Variants in GLDC observed in about 807,000 individuals in gnomAD.
GLDC encodes the protein glycine decarboxylase, also known as glycine dehydrogenase (decarboxylating), mitochondrial.
In GLDC, 104 loss-of-function variants were observed where a neutral mutation model predicts 121.3. The observed-to-expected ratio is 0.86, with a 90% CI of 0.73 to 1.01. The LOEUF (loss-of-function observed/expected upper bound fraction) is 1.01. Among genes scored for constraint, GLDC ranks in the 50% least tolerant of loss-of-function variants. The pLI, the probability that GLDC is intolerant of heterozygous loss-of-function variation, is 0.00. For synonymous variants in GLDC, 546 were observed against 480.6 expected, an observed-to-expected ratio of 1.14 and a Z score of -1.78; for missense variants, 1,429 against 1,306.6, an observed-to-expected ratio of 1.09 and a Z score of -1.44.
intron 2 of GLDC, among the ~76,000 whole-genome samples, chr9:6,620,909 T>G (rs2129951146): frequency 6.6e-6 from 1 of 152,338 alleles, no homozygotes; most frequent in Non-Finnish European, 1.5e-5. Flanking sequence ...GGCTCACACC[T>G]GCAATCCCAG....
At position 6,639,673 on chromosome 9, in the gene GLDC, A is replaced by AAG. The variant is rs1448215745; in HGVS notation, c.334+4940_334+4941insCT. On this transcript the variant is annotated intron_variant, in intron 2 of 24. Coordinates refer to ENST00000321612, the MANE Select transcript of GLDC (RefSeq NM_000170.3). ...TCTTTTCACCATAAAAAAAAAGTAT[A>AAG]TATATATATATATATGGACAAAACA... is the stretch of plus-strand genomic sequence containing the variant. The AAG allele has an allele frequency of 3.7e-4, 90 of 242,896 alleles. 1 individual carries two copies. Among genetic ancestry groups the AAG allele is most frequent in the African/African-American group, 1.5e-3 (59 of 39,340 alleles). The allele number at this position is 242,896 out of a possible 1,614,324, so 15.0% of individuals were successfully genotyped here.
chr9:6,576,177 G>A (rs902692657), intron 15 of GLDC, among the ~76,000 whole-genome samples: 1 of 152,126 alleles, frequency 6.6e-6, no homozygotes, highest in African/African-American at 2.4e-5. Context: ...CCAAAAACTG[G>A]GTGGCTTATA....
At chr9:6,582,379 GCCAC>G (rs1200203572) in intron 15 of GLDC, among the ~76,000 whole-genome samples, 10 of 151,722 alleles carry the variant, frequency 6.6e-5, no homozygotes, top group African/African-American at 2.2e-4. Context: ...AAATTTGCCG[GCCAC>G]GGGGGCAGGC....
At chr9:6,627,295 C>CAAAAAAA (rs35067265) in intron 2 of GLDC, among the ~76,000 whole-genome samples, 1 of 77,820 alleles carries the variant, frequency 1.3e-5, no homozygotes, top group African/African-American at 4.5e-5. Flanking sequence ...GACTCCATCT[C>CAAAAAAA]AAAAAAAAAA....
intron 11 of GLDC, among the ~76,000 whole-genome samples, chr9:6,590,978 C>T (rs1024651975): frequency 6.6e-6 from 1 of 151,946 alleles, no homozygotes; most frequent in Admixed American, 6.6e-5. Context: ...GGTATTTCTA[C>T]TTCCTTTCAT....
chr9:6,644,403 A>G (rs1056981596), intron 2 of GLDC: 7 of 615,096 alleles, frequency 1.1e-5, no homozygotes, highest in South Asian at 1.9e-5. Context: ...GAACCGCACA[A>G]CACCGACTCT....
chr9:6,575,965 G>A (rs1309355320), intron 15 of GLDC, among the ~76,000 whole-genome samples: 2 of 152,166 alleles, frequency 1.3e-5, no homozygotes, highest in African/African-American at 4.8e-5. Context: ...CCCTCCCCGG[G>A]GTTTATGGGT....
chr9:6,568,868 G>A (rs538465072), intron 15 of GLDC: 2 of 152,180 alleles, frequency 1.3e-5, no homozygotes, highest in Non-Finnish European at 2.9e-5. Context: ...AAGAAGAAAA[G>A]AAAAACAAGA....
chr9:6,582,041 C>G (rs1054108784), intron 15 of GLDC, among the ~76,000 whole-genome samples: 1 of 150,876 alleles, frequency 6.6e-6, no homozygotes, highest in Non-Finnish European at 1.5e-5. Flanking sequence ...ATAGTGAAAC[C>G]CGATCTCCAC....
chr9:6,630,260 C>T (rs972688519), intron 2 of GLDC, among the ~76,000 whole-genome samples: 1 of 151,886 alleles, frequency 6.6e-6, no homozygotes, highest in Non-Finnish European at 1.5e-5. Flanking sequence ...CAAAGCGAGA[C>T]TCTGTCTCAG....
intron 8 of GLDC, among the ~76,000 whole-genome samples, chr9:6,599,007 C>T (rs961208353): frequency 6.6e-6 from 1 of 151,850 alleles, no homozygotes; most frequent in Non-Finnish European, 1.5e-5. Context: ...ATGGTGAAAC[C>T]CCATCTCTAC....
At chr9:6,553,319 C>T (rs200347920) in intron 20 of GLDC, 49 bp downstream of exon 20, 44 of 1,577,380 alleles carry the variant, frequency 2.8e-5, no homozygotes, top group Middle Eastern at 1.9e-4. Flanking sequence ...CCCATGCATG[C>T]CTGACGCCCC....
At chr9:6,564,473 G>A (rs746324951) in intron 16 of GLDC, among the ~76,000 whole-genome samples, 3 of 152,130 alleles carry the variant, frequency 2.0e-5, no homozygotes, top group Admixed American at 6.6e-5. Context: ...GACTAAGATC[G>A]GGCCACTACC....
intron 17 of GLDC, chr9:6,558,307 G>A (rs1817678150): frequency 1.6e-6 from 1 of 607,976 alleles, no homozygotes; most frequent in Non-Finnish European, 2.9e-6. Flanking sequence ...AAAGAGGCAG[G>A]CAGGTTCTGC....
At chr9:6,614,585 C>A (rs1410444008) in intron 3 of GLDC, among the ~76,000 whole-genome samples, 15 of 147,210 alleles carry the variant, frequency 1.0e-4, no homozygotes, top group Non-Finnish European at 2.2e-4. Flanking sequence ...GACAGGGTTT[C>A]ACTATGTTGT....
Position 6,553,448 on chromosome 9 carries a change from C to T in GLDC, c.2377G>A (p.Asp793Asn), listed in dbSNP as rs776288649. 1.2e-6 allele frequency: 2 copies of T among 1,613,870 alleles called. No individual in the cohort carries two copies. Among genetic ancestry groups the T allele is most frequent in the Non-Finnish European group, 1.7e-6 (2 of 1,179,774 alleles). The stretch of plus-strand genomic sequence containing the variant: ...CTGACGGTTCCCACAGGACAGGCAT[C>T]CTCATTCCGCTTTAGTGAAATGACG... ...HPVISLKRNE[D>N]ACPVGTVSAA... The change falls in exon 20 of 25, where the codon GAT becomes AAT. Residue 793 changes from aspartate (D) to asparagine (N), a missense_variant. Transcript: ENST00000321612.
chr9:6,557,258 A>G lies in GLDC; in HGVS notation c.2053-956T>C, dbSNP rs570566323. 1.1e-3 allele frequency among the ~76,000 whole-genome samples: 171 copies of G among 152,182 alleles called. 1 individual carries two copies. Among genetic ancestry groups the G allele is most frequent in the African/African-American group, 3.9e-3 (160 of 41,540 alleles). ...TATACATTTGATGTATAGAAACATCACTATATACCCCATGACTATGTACAA... is the reference window on the plus strand; with the variant it reads ...TATACATTTGATGTATAGAAACATCGCTATATACCCCATGACTATGTACAA... On this transcript the variant is annotated intron_variant, in intron 17 of 24. Transcript: ENST00000321612.
At chr9:6,578,436 A>C (rs1818114273) in intron 15 of GLDC, among the ~76,000 whole-genome samples, 1 of 151,416 alleles carries the variant, frequency 6.6e-6, no homozygotes, top group East Asian at 2.0e-4. Flanking sequence ...TTTTTAATGT[A>C]GTTATTTACA....
At chr9:6,589,426 T>C in intron 11 of GLDC, 134 bp from the exon 12 acceptor site, 2 of 368,790 alleles carry the variant, frequency 5.4e-6, no homozygotes, top group East Asian at 1.1e-4. Flanking sequence ...TTTATTTATT[T>C]ATTTATTTAT....
Sources: gnomAD v4.1 joint callset for allele counts (sites outside exome capture counted in the v4.1 genomes callset) on GRCh38, gnomAD v4.1.1 for gene constraint, MANE v1.5 for transcripts, NCBI Gene and HGNC (gene_info 2026-07-23, HGNC 2026-07-21) for gene names.